OCA2: variants seen among roughly 807,000 people sequenced by gnomAD.
OCA2 encodes OCA2 melanosomal transmembrane protein.
In OCA2, 77 loss-of-function variants were observed where a neutral mutation model predicts 100.2. That is an observed-to-expected ratio of 0.77 (90% CI 0.64 to 0.93). The LOEUF (loss-of-function observed/expected upper bound fraction) is 0.93. Ranked by LOEUF, OCA2 falls within the 40% of genes least tolerant of loss-of-function variation. The probability of loss-of-function intolerance (pLI) is 0.00; values close to 1 mark genes in which losing one functional copy is unlikely to be tolerated. For missense variants in OCA2, 1,062 were observed against 1,089.1 expected (o/e 0.98, Z 0.35); for synonymous variants, 432 against 439.2 (o/e 0.98, Z 0.21).
rs1466185514 is a variant in OCA2, at chr15:27,858,660, A to C, written c.2245-7185T>G. Among the ~76,000 whole-genome samples the C allele has an allele frequency of 3.3e-5, 5 of 152,134 alleles. No homozygotes were observed. The East Asian group carries it at 9.6e-4, about 29-fold the overall frequency. On this transcript the variant is annotated intron_variant, in intron 21 of 23. Coordinates refer to ENST00000354638, the MANE Select transcript of OCA2 (RefSeq NM_000275.3). ...TTCAATACAGAAGGAAGATACAACA[A>C]TTATAAATATTTACACACCTAAAAA... is the stretch of plus-strand genomic sequence containing the variant.
chr15:28,003,655 C>T (rs1174569520), intron 9 of OCA2, among the ~76,000 whole-genome samples: 6 of 150,030 alleles, frequency 4.0e-5, no homozygotes, highest in South Asian at 2.1e-4. Flanking sequence ...GGGCAGTGTG[C>T]CCCCCGAACG....
chr15:27,864,720 C>T lies in OCA2; in HGVS notation c.2244+6434G>A, dbSNP rs1013200917. Among the ~76,000 whole-genome samples, 4 of 152,290 alleles carry T rather than the reference C, an allele frequency of 2.6e-5. No homozygotes were observed. The South Asian group carries it at 8.3e-4, about 32-fold the overall frequency. ...ATAAATTACCAGCCTTTGAATTCAACATTCAGGACAAGAGTAATAATCTTT... is the reference window on the plus strand; with the variant it reads ...ATAAATTACCAGCCTTTGAATTCAATATTCAGGACAAGAGTAATAATCTTT... On this transcript the variant is annotated intron_variant, in intron 21 of 23. Coordinates refer to ENST00000354638, the MANE Select transcript of OCA2 (RefSeq NM_000275.3).
intron 2 of OCA2, among the ~76,000 whole-genome samples, chr15:28,052,701 A>G (rs1392489847): frequency 2.6e-5 from 4 of 152,246 alleles, no homozygotes. Flanking sequence ...CTATTTCTGC[A>G]TTTTCACAGA....
At position 28,014,938 on chromosome 15, in the gene OCA2, C is replaced by T. The variant is rs1181649378; in HGVS notation, c.891-9G>A. On this transcript the variant is annotated splice_polypyrimidine_tract_variant and intron_variant, in intron 8 of 23. Transcript: ENST00000354638. ...TGATGGACACCGTCTCTCTGCAGAA[C>T]GAAACAACGACCTTACTGTTCACAA... 19 of 1,613,894 alleles carry T rather than the reference C, an allele frequency of 1.2e-5. No individual in the cohort carries two copies. Among genetic ancestry groups the T allele is most frequent in the African/African-American group, 2.7e-5 (2 of 74,896 alleles).
At chr15:28,044,090 G>GAA (rs2043279441) in intron 2 of OCA2, among the ~76,000 whole-genome samples, 1 of 152,162 alleles carries the variant, frequency 6.6e-6, no homozygotes, top group African/African-American at 2.4e-5. Flanking sequence ...ACAGCTCTCT[G>GAA]AAAGACCATT....
chr15:27,784,883 AAGAG>A (rs144739347), intron 23 of OCA2, among the ~76,000 whole-genome samples: 41,509 of 135,848 alleles, frequency 0.31, 6,584 homozygotes, highest in Non-Finnish European at 0.37. Context: ...AAGAAGCAGA[AAGAG>A]AGAGACAGAG....
At chr15:27,796,072 G>A (rs1323453183) in intron 23 of OCA2, among the ~76,000 whole-genome samples, 2 of 152,230 alleles carry the variant, frequency 1.3e-5, no homozygotes, top group Admixed American at 1.3e-4. Context: ...CGTACTCCCA[G>A]AAGGGAAAAG....
chr15:27,872,215 T>A (rs923739208), intron 19 of OCA2, among the ~76,000 whole-genome samples: 1 of 152,246 alleles, frequency 6.6e-6, no homozygotes, highest in African/African-American at 2.4e-5. Flanking sequence ...GACCTGTGTA[T>A]AAAGATACTG....
At chr15:27,893,601 C>T (rs576691487) in intron 19 of OCA2, among the ~76,000 whole-genome samples, 12 of 152,186 alleles carry the variant, frequency 7.9e-5, no homozygotes, top group Non-Finnish European at 1.5e-4. Context: ...GGTCTATAAA[C>T]GGCCACTCTG....
intron 14 of OCA2, among the ~76,000 whole-genome samples, chr15:27,974,043 G>T (rs2040888519): frequency 6.6e-6 from 1 of 152,262 alleles, no homozygotes; most frequent in Non-Finnish European, 1.5e-5. Context: ...TGTAACCTGA[G>T]ATTTTACTGA....
At chr15:27,905,030 G>C (rs909476440) in intron 19 of OCA2, among the ~76,000 whole-genome samples, 1 of 152,088 alleles carries the variant, frequency 6.6e-6, no homozygotes, top group African/African-American at 2.4e-5. Flanking sequence ...CGGGCGTGGT[G>C]GTGGGTGCCT....
At chr15:27,877,385 T>G (rs1016876527) in intron 19 of OCA2, among the ~76,000 whole-genome samples, 1 of 151,708 alleles carries the variant, frequency 6.6e-6, no homozygotes, top group African/African-American at 2.4e-5. Flanking sequence ...CTTTCCTGAT[T>G]TTTTTTTGTC....
intron 15 of OCA2, among the ~76,000 whole-genome samples, chr15:27,964,601 G>T (rs532399432): frequency 3.3e-5 from 5 of 152,248 alleles, no homozygotes; most frequent in African/African-American, 1.2e-4. Flanking sequence ...GGGGGCGGGG[G>T]GTACAAAGCC....
intron 2 of OCA2, among the ~76,000 whole-genome samples, chr15:28,041,623 C>T (rs959675315): frequency 1.3e-5 from 2 of 152,140 alleles, no homozygotes; most frequent in African/African-American, 4.8e-5. Flanking sequence ...GTGTAGAAAA[C>T]TCTAAAGACT....
At chr15:27,920,914 G>T (rs575633006) in intron 19 of OCA2, among the ~76,000 whole-genome samples, 1 of 151,860 alleles carries the variant, frequency 6.6e-6, no homozygotes, top group Non-Finnish European at 1.5e-5. Flanking sequence ...GAAGAAAAAT[G>T]AATAAAGTGT....
At chr15:27,786,461 C>G (rs1344160402) in intron 23 of OCA2, among the ~76,000 whole-genome samples, 3 of 152,168 alleles carry the variant, frequency 2.0e-5, no homozygotes, top group Admixed American at 6.6e-5. Flanking sequence ...TTAAATTACT[C>G]TCAGCAATGC....
chr15:27,790,674 C>A (rs1300631466), intron 23 of OCA2, among the ~76,000 whole-genome samples: 6 of 152,094 alleles, frequency 3.9e-5, no homozygotes. Context: ...TGGAAATATT[C>A]TATGTCTCAG....
intron 19 of OCA2, among the ~76,000 whole-genome samples, chr15:27,909,221 A>C (rs1315192324): frequency 1.3e-5 from 2 of 152,226 alleles, no homozygotes; most frequent in Non-Finnish European, 2.9e-5. Flanking sequence ...ATACAACACA[A>C]TTTTAAAACA....
At position 27,984,919 on chromosome 15, in the gene OCA2, T is replaced by C. The variant is rs1352753398; in HGVS notation, c.1364+145A>G. On this transcript the variant is annotated intron_variant, in intron 13 of 23. Transcript: ENST00000354638. Reference sequence around the variant, plus strand: ...GCAGTCACACAAAGCAGACACGAGCTGGACTGGAATGCAGTGAGCTGTGGG... The same window carrying C: ...GCAGTCACACAAAGCAGACACGAGCCGGACTGGAATGCAGTGAGCTGTGGG... 48 of 924,426 alleles carry C rather than the reference T, an allele frequency of 5.2e-5. 1 individual carries two copies. The East Asian group carries it at 8.4e-4, about 16-fold the overall frequency. The allele number at this position is 924,426 out of a possible 1,614,324, so 57.3% of individuals were successfully genotyped here.
Sources: gnomAD v4.1 joint callset for allele counts (sites outside exome capture counted in the v4.1 genomes callset) on GRCh38, gnomAD v4.1.1 for gene constraint, MANE v1.5 for transcripts, NCBI Gene and HGNC (gene_info 2026-07-23, HGNC 2026-07-21) for gene names.